Variants in RBPJL observed in about 807,000 individuals in gnomAD.
The protein encoded by RBPJL is recombination signal binding protein for immunoglobulin kappa J region like.
A neutral mutation model predicts 57.6 loss-of-function variants in RBPJL; 50 were observed. That is an observed-to-expected ratio of 0.87 (90% confidence interval 0.69 to 1.10). RBPJL has a LOEUF of 1.10. RBPJL is among the 50% of genes least tolerant of loss of function. The probability of loss-of-function intolerance (pLI) is 0.00; values close to 1 mark genes in which losing one functional copy is unlikely to be tolerated. For missense variants in RBPJL, 684 were observed against 693.7 expected (o/e 0.99, Z 0.16); for synonymous variants, 303 against 294.4 (o/e 1.03, Z -0.30).
chr20:45,313,970 C>A, intron 7 of RBPJL, 65 bp from the exon 8 acceptor site: 1 of 1,166,294 alleles, frequency 8.6e-7, no homozygotes, highest in Non-Finnish European at 1.3e-6. Context: ...GGCAACAAGG[C>A]AGGGTTTAAG....
rs1244564265 is a variant in RBPJL at position 45,317,456 on chromosome 20, G to A, written c.*497G>A. On this transcript the variant is annotated 3_prime_UTR_variant, in exon 12 of 12. Coordinates refer to ENST00000343694, the MANE Select transcript of RBPJL (RefSeq NM_014276.4). The stretch of plus-strand genomic sequence containing the variant: ...CCAGGCATAGGGGGCAAGCTCTTGG[G>A]GCATCAGGACCCTGGAGCACCAGGT... The A allele has an allele frequency of 6.4e-6, 1 of 155,736 alleles. No individual in the cohort carries two copies. The highest frequency in any genetic ancestry group is 2.4e-5 in the African/African-American group (1 of 41,478). The allele number at this position is 155,736 out of a possible 1,614,324, so 9.6% of individuals were successfully genotyped here. A position where few individuals can be genotyped will look rare whatever the true frequency, so the allele number is the denominator to read the frequency against.
rs1358410261 is a variant in RBPJL, at chr20:45,316,660, C to A, written c.1281-26C>A. 15 of 1,558,636 alleles carry A rather than the reference C, an allele frequency of 9.6e-6. No homozygotes were observed. In the South Asian group the frequency reaches 1.6e-4, roughly 17 times the overall value. ...GCACGCGTCGTCGGAGTCGCCGCAG[C>A]CCTCACCCTGGTGCTCCACCCCCAG... On this transcript the variant is annotated intron_variant, in intron 11 of 11. Coordinates refer to ENST00000343694, the MANE Select transcript of RBPJL (RefSeq NM_014276.4).
At chr20:45,307,004 C>T in intron 1 of RBPJL, 60 bp downstream of exon 1, 1 of 1,021,692 alleles carries the variant, frequency 9.8e-7, no homozygotes, top group Non-Finnish European at 1.3e-6. Flanking sequence ...AAGGACCACC[C>T]CCCCACCCCC....
intron 2 of RBPJL, 107 bp downstream of exon 2, chr20:45,308,358 T>TGGG: frequency 9.4e-6 from 7 of 743,008 alleles, no homozygotes; most frequent in Middle Eastern, 3.5e-4. Context: ...GGAGGGGAAG[T>TGGG]GCAGGCTGCA....
At position 45,316,754 on chromosome 20, in the gene RBPJL, G is replaced by C. The variant is rs1342529126; in HGVS notation, c.1349G>C (p.Arg450Pro). The change falls in exon 12 of 12, where the codon CGC becomes CCC. Residue 450 changes from arginine to proline, a missense_variant. Transcript: ENST00000343694. ...TTCTGCAGCGACTGGCGCTGGCTGC[G>C]CGCTCCCATCACAATCCCCATGAGC... Reference protein sequence around the residue: ...AAFCSDWRWLRAPITIPMSLV... With the variant: ...AAFCSDWRWLPAPITIPMSLV... 1 of 1,613,644 alleles carries C rather than the reference G, an allele frequency of 6.2e-7. No homozygotes were observed. The highest frequency in any genetic ancestry group is 1.7e-5 in the Admixed American group (1 of 59,992).
At chr20:45,307,388 G>A (rs1986812169) in intron 1 of RBPJL, among the ~76,000 whole-genome samples, 1 of 152,146 alleles carries the variant, frequency 6.6e-6, no homozygotes, top group Non-Finnish European at 1.5e-5. Flanking sequence ...CCTGGTAGAA[G>A]AACATAAATC....
At chr20:45,310,145 A>C (rs1443655866) in intron 3 of RBPJL, among the ~76,000 whole-genome samples, 1 of 152,182 alleles carries the variant, frequency 6.6e-6, no homozygotes, top group Non-Finnish European at 1.5e-5. Context: ...TGAGCACTAG[A>C]AGGAAAACTG....
Position 45,312,454 on chromosome 20 carries a change from C to T in RBPJL, c.619+59C>T, listed in dbSNP as rs976535289. ...CGGGGAGGTGCAACCAAGCCCAGAA[C>T]GGCTAAACTGGGGCGCGGAGGTGGG... On this transcript the variant is annotated intron_variant, in intron 6 of 11. Coordinates refer to ENST00000343694, the MANE Select transcript of RBPJL (RefSeq NM_014276.4). 14 of 1,549,060 alleles carry T rather than the reference C, an allele frequency of 9.0e-6. No individual in the cohort carries two copies. In the African/African-American group the frequency reaches 1.4e-4, roughly 15 times the overall value.
intron 3 of RBPJL, 105 bp from the exon 4 acceptor site, chr20:45,311,467 CGTTGCGGGGAGCGGGAG>C: frequency 1.2e-6 from 1 of 834,984 alleles, no homozygotes; most frequent in Non-Finnish European, 2.0e-6. Context: ...CGTGAAAAAG[CGTTGCGGGGAGCGGGAG>C]GAGGAAACGA....
At position 45,306,860 on chromosome 20, in the gene RBPJL, G is replaced by T; in HGVS notation, c.-63G>T. On this transcript the variant is annotated 5_prime_UTR_variant, in exon 1 of 12. Transcript: ENST00000343694. ...GAGCAGGGGTGTGCAGGGTTCCAGC[G>T]ACAGCAGCACTGGACTCGTCCAGAG... 8.2e-7 allele frequency: 1 copy of T among 1,215,354 alleles called. No homozygotes were observed. Among genetic ancestry groups the T allele is most frequent in the East Asian group, 3.1e-5 (1 of 31,816 alleles). The allele number at this position is 1,215,354 out of a possible 1,614,324, so 75.3% of individuals were successfully genotyped here.
chr20:45,313,615 T>C lies in RBPJL; in HGVS notation c.757+10T>C. On this transcript the variant is annotated intron_variant, in intron 7 of 11. Transcript: ENST00000343694. ...TTCACGCTCCACCTGGGTAATGACATCTGCAGGCCCTGGAGCTGGGCACTT... is the reference window on the plus strand; with the variant it reads ...TTCACGCTCCACCTGGGTAATGACACCTGCAGGCCCTGGAGCTGGGCACTT... The C allele has an allele frequency of 6.3e-7, 1 of 1,599,750 alleles. No individual in the cohort carries two copies. Among genetic ancestry groups the C allele is most frequent in the East Asian group, 2.2e-5 (1 of 44,640 alleles).
Position 45,316,350 on chromosome 20 carries a change from C to G in RBPJL, c.1176+8C>G, listed in dbSNP as rs565054647. ...CTCATCAGCACCCTAGAGGTGAAGC[C>G]GGGCGCTAGGGGCGTTGGGCAGGGG... On this transcript the variant is annotated splice_region_variant and intron_variant, in intron 10 of 11. Transcript: ENST00000343694. 9.2e-4 allele frequency: 1,489 copies of G among 1,613,066 alleles called. No individual in the cohort carries two copies. Among genetic ancestry groups the G allele is most frequent in the Non-Finnish European group, 1.2e-3 (1,444 of 1,179,274 alleles).
In RBPJL at chr20:45,311,891, C is replaced by G; in HGVS notation, c.381C>G (p.Asp127Glu). 3 of 1,539,818 alleles carry G rather than the reference C, an allele frequency of 1.9e-6. No homozygotes were observed. The highest frequency in any genetic ancestry group is 2.6e-6 in the Non-Finnish European group (3 of 1,144,508). ...GPTVCGYMGL[D>E]SASGSATETQ... is the part of the protein sequence containing the mutation. ...CGGTCTGCGGTTACATGGGACTGGA[C>G]AGCGCGTCCGGCAGCGCCACTGAGA... Residue 127 changes from aspartate to glutamate, a missense_variant, in exon 5 of 12, where the codon GAC (aspartate) becomes GAG (glutamate). Coordinates refer to ENST00000343694, the MANE Select transcript of RBPJL (RefSeq NM_014276.4).
rs745450505 is a variant in RBPJL, at chr20:45,316,750, C to G, written c.1345C>G (p.Leu449Val). 1 of 1,613,476 alleles carries G rather than the reference C, an allele frequency of 6.2e-7. No individual in the cohort carries two copies. Among genetic ancestry groups the G allele is most frequent in the Non-Finnish European group, 8.5e-7 (1 of 1,179,774 alleles). The change falls in exon 12 of 12, where the codon CTG becomes GTG. Residue 449 changes from leucine (L) to valine (V), a missense_variant. Physicochemically the swap from Leu to Val is conservative, Grantham distance 32. Transcript: ENST00000343694. ...VAAFCSDWRW[L>V]RAPITIPMSL... ...GGCCTTCTGCAGCGACTGGCGCTGG[C>G]TGCGCGCTCCCATCACAATCCCCAT...
intron 9 of RBPJL, among the ~76,000 whole-genome samples, chr20:45,315,354 A>G (rs1987398911): frequency 6.6e-6 from 1 of 152,194 alleles, no homozygotes; most frequent in Non-Finnish European, 1.5e-5. Flanking sequence ...TTCCTTCCCA[A>G]AGAATATTAA....
In RBPJL at chr20:45,306,881, C is replaced by T. The variant is rs994658365; in HGVS notation, c.-42C>T. The T allele has an allele frequency of 1.6e-6, 2 of 1,254,864 alleles. No individual in the cohort carries two copies. The highest frequency in any genetic ancestry group is 1.5e-5 in the African/African-American group (1 of 64,730). The allele number at this position is 1,254,864 out of a possible 1,614,324, so 77.7% of individuals were successfully genotyped here. ...CAGCGACAGCAGCACTGGACTCGTC[C>T]AGAGGGCGGCGGGTGAGCGGCTGGG... On this transcript the variant is annotated 5_prime_UTR_variant, in exon 1 of 12. Transcript: ENST00000343694.
rs369623353 is a variant in RBPJL at position 45,314,400 on chromosome 20, C to T, written c.868-13C>T. On this transcript the variant is annotated splice_polypyrimidine_tract_variant and intron_variant, in intron 8 of 11. Coordinates refer to ENST00000343694, the MANE Select transcript of RBPJL (RefSeq NM_014276.4). ...TCCTTGCCACCACTGTTCTTACCAT[C>T]CTTCCATTGCAGATCATCCGTAAAG... 13 of 1,609,132 alleles carry T rather than the reference C, an allele frequency of 8.1e-6. No homozygotes were observed. The highest frequency in any genetic ancestry group is 1.1e-5 in the Non-Finnish European group (13 of 1,176,064).
chr20:45,314,678 A>G lies in RBPJL; in HGVS notation c.1020+113A>G, dbSNP rs1033907788. On this transcript the variant is annotated intron_variant, in intron 9 of 11. Coordinates refer to ENST00000343694, the MANE Select transcript of RBPJL (RefSeq NM_014276.4). ...GTTGCTACTTCCTGAGCAGCCTCCC[A>G]TGGAACATTAAAATCATAGACTCCC... 8.3e-6 allele frequency: 8 copies of G among 962,512 alleles called. No individual in the cohort carries two copies. In the East Asian group the frequency reaches 9.8e-5, roughly 12 times the overall value. 59.6% of individuals were successfully genotyped at this position (962,512 alleles called of 1,614,324 possible). A position where few individuals can be genotyped will look rare whatever the true frequency, so the allele number is the denominator to read the frequency against.
In RBPJL at chr20:45,311,908, C is replaced by T. The variant is rs1987194748; in HGVS notation, c.398C>T (p.Ala133Val). ...YMGLDSASGS[A>V]TETQKLNFEQ... ...GGACTGGACAGCGCGTCCGGCAGCG[C>T]CACTGAGACGCAGAAGCTGAATTTC... The change falls in exon 5 of 12, where the codon GCC (alanine) becomes GTC (valine). Residue 133 changes from alanine to valine, a missense_variant. Coordinates refer to ENST00000343694, the MANE Select transcript of RBPJL (RefSeq NM_014276.4). 6.4e-7 allele frequency: 1 copy of T among 1,551,372 alleles called. No homozygotes were observed. Among genetic ancestry groups the T allele is most frequent in the Non-Finnish European group, 8.7e-7 (1 of 1,147,044 alleles).
Sources: gnomAD v4.1 joint callset for allele counts (sites outside exome capture counted in the v4.1 genomes callset) on GRCh38, gnomAD v4.1.1 for gene constraint, MANE v1.5 for transcripts, NCBI Gene and HGNC (gene_info 2026-07-23, HGNC 2026-07-21) for gene names.